CALCRL: variants seen among roughly 807,000 people sequenced by gnomAD.
CALCRL encodes the protein calcitonin receptor like receptor, also known as calcitonin gene-related peptide type 1 receptor.
In CALCRL, 27 loss-of-function variants were observed where a neutral mutation model predicts 60.4. The ratio of observed to expected loss-of-function variants is 0.45; its 90% CI spans 0.33 to 0.62. CALCRL has a LOEUF of 0.62. Ranked by LOEUF, CALCRL falls within the 20% of genes least tolerant of loss-of-function variation. The pLI is 0.03. For synonymous variants in CALCRL, 190 were observed against 182.6 expected, an observed-to-expected ratio of 1.04 and a Z score of -0.33; for missense variants, 424 against 540.7, an observed-to-expected ratio of 0.78 and a Z score of 2.14.
rs551247734 is a variant in CALCRL, at chr2:187,367,881, A to G, written c.501-4379T>C. On this transcript the variant is annotated intron_variant, in intron 8 of 14. Coordinates refer to ENST00000392370, the MANE Select transcript of CALCRL (RefSeq NM_005795.6). ...TTTCAACATTTAAAATGCCATTTCA[A>G]CATGCAATTTTGGCCAGCAGAGTTA... Among the ~76,000 whole-genome samples, 43 of 152,196 alleles carry G rather than the reference A, an allele frequency of 2.8e-4. No homozygotes were observed. In the South Asian group the frequency reaches 8.1e-3, roughly 29 times the overall value.
chr2:187,434,951 G>C (rs1270261504), intron 1 of CALCRL, among the ~76,000 whole-genome samples: 1 of 152,142 alleles, frequency 6.6e-6, no homozygotes, highest in African/African-American at 2.4e-5. Flanking sequence ...AAGTCATAAA[G>C]TAAAACAAGG....
chr2:187,399,479 G>A (rs1256326247), intron 1 of CALCRL, among the ~76,000 whole-genome samples: 1 of 151,180 alleles, frequency 6.6e-6, no homozygotes, highest in Non-Finnish European at 1.5e-5. Flanking sequence ...AAGCAAAAGT[G>A]ACAAAAAACA....
At chr2:187,355,178 A>T (rs1465149136) in intron 12 of CALCRL, among the ~76,000 whole-genome samples, 1 of 152,126 alleles carries the variant, frequency 6.6e-6, no homozygotes, top group Non-Finnish European at 1.5e-5. Context: ...ATTACAGATG[A>T]GAAAACAAAG....
chr2:187,428,304 T>C (rs1225074954), intron 1 of CALCRL: 1 of 152,236 alleles, frequency 6.6e-6, no homozygotes, highest in South Asian at 2.1e-4. Context: ...CTGTGGAACA[T>C]GTAAGTTAAC....
chr2:187,372,559 G>A (rs1417238854), intron 8 of CALCRL, among the ~76,000 whole-genome samples: 1 of 152,058 alleles, frequency 6.6e-6, no homozygotes, highest in Non-Finnish European at 1.5e-5. Flanking sequence ...TTAAAGAATG[G>A]ATGAGTGGTA....
intron 1 of CALCRL, among the ~76,000 whole-genome samples, chr2:187,405,743 T>TA (rs1170367954): frequency 6.6e-6 from 1 of 152,042 alleles, no homozygotes; most frequent in African/African-American, 2.4e-5. Context: ...TGCAAGGAGA[T>TA]AAAATGCAGA....
chr2:187,439,645 T>C (rs1343021772), intron 1 of CALCRL, among the ~76,000 whole-genome samples: 1 of 152,150 alleles, frequency 6.6e-6, no homozygotes, highest in East Asian at 1.9e-4. Flanking sequence ...TGATTTTAAA[T>C]AATCATCGAT....
At chr2:187,386,845 AAAT>A (rs1409986852) in intron 3 of CALCRL, among the ~76,000 whole-genome samples, 4 of 152,254 alleles carry the variant, frequency 2.6e-5, no homozygotes, top group African/African-American at 7.2e-5. Flanking sequence ...TCCTGAGAGT[AAAT>A]AAGGCTCACA....
At chr2:187,349,652 A>G (rs1318520482) in intron 14 of CALCRL, among the ~76,000 whole-genome samples, 2 of 151,626 alleles carry the variant, frequency 1.3e-5, no homozygotes, top group East Asian at 1.9e-4. Flanking sequence ...TTTGGGAACA[A>G]CCTAGCTCAA....
intron 1 of CALCRL, among the ~76,000 whole-genome samples, chr2:187,424,130 C>G (rs1287868229): frequency 1.3e-5 from 2 of 151,952 alleles, no homozygotes; most frequent in African/African-American, 4.8e-5. Context: ...TCATATAAAA[C>G]AGCCTAAAAA....
intron 12 of CALCRL, among the ~76,000 whole-genome samples, chr2:187,353,903 C>G (rs1400398853): frequency 1.3e-5 from 2 of 151,904 alleles, no homozygotes; most frequent in African/African-American, 2.4e-5. Flanking sequence ...TGCTTCTCCA[C>G]ATGGGAAGTC....
At chr2:187,380,826 T>C in intron 5 of CALCRL, 39 bp from the exon 6 acceptor site, 3 of 1,483,588 alleles carry the variant, frequency 2.0e-6, no homozygotes, top group Non-Finnish European at 2.8e-6. Flanking sequence ...ATTAAATCCT[T>C]CTACTTATAC....
intron 8 of CALCRL, among the ~76,000 whole-genome samples, chr2:187,372,341 T>C (rs1012806048): frequency 6.6e-6 from 1 of 151,502 alleles, no homozygotes; most frequent in Non-Finnish European, 1.5e-5. Flanking sequence ...ATCTAAAGGG[T>C]TCCACTTTGT....
intron 1 of CALCRL, among the ~76,000 whole-genome samples, chr2:187,401,687 T>C (rs1574279141): frequency 6.6e-6 from 1 of 151,658 alleles, no homozygotes; most frequent in African/African-American, 2.4e-5. Context: ...TAATTTCTTA[T>C]AGGAGTGGAG....
rs1686949046 is a variant in CALCRL at position 187,359,390 on chromosome 2, T to C, written c.782-118A>G. 5 of 647,374 alleles carry C rather than the reference T, an allele frequency of 7.7e-6. No homozygotes were observed. The Admixed American group carries it at 1.2e-4, about 16-fold the overall frequency. 40.1% of individuals were successfully genotyped at this position (647,374 alleles called of 1,614,324 possible). On this transcript the variant is annotated intron_variant, in intron 10 of 14. Transcript: ENST00000392370. Reference sequence around the variant, plus strand: ...CTCTAGGAGCAAAAAAACTAGCCACTATATATTTGTTGAATAAACATTATT... The same window carrying C: ...CTCTAGGAGCAAAAAAACTAGCCACCATATATTTGTTGAATAAACATTATT...
At position 187,344,607 on chromosome 2, in the gene CALCRL, GTC is replaced by G. The variant is rs1686205736; in HGVS notation, c.*1575_*1576del. The G allele has an allele frequency of 6.6e-6, 1 of 151,484 alleles. No homozygotes were observed. The highest frequency in any genetic ancestry group is 1.9e-4 in the East Asian group (1 of 5,190). 9.4% of individuals were successfully genotyped at this position (151,484 alleles called of 1,614,324 possible). A position where few individuals can be genotyped will look rare whatever the true frequency, so the allele number is the denominator to read the frequency against. On this transcript the variant is annotated 3_prime_UTR_variant, in exon 15 of 15. Transcript: ENST00000392370. The stretch of plus-strand genomic sequence containing the variant: ...TTTTCTTCTATCTTTATTTAATAAA[GTC>G]TGACAATAATTCAGTAAGATCTGAC...
chr2:187,369,106 A>C (rs1430999993), intron 8 of CALCRL, among the ~76,000 whole-genome samples: 1 of 152,164 alleles, frequency 6.6e-6, no homozygotes, highest in African/African-American at 2.4e-5. Context: ...CTCTTCCTCC[A>C]TTATGCTCCC....
At chr2:187,375,450 CAT>C (rs1410916796) in intron 8 of CALCRL, among the ~76,000 whole-genome samples, 1 of 151,942 alleles carries the variant, frequency 6.6e-6, no homozygotes, top group African/African-American at 2.4e-5. Flanking sequence ...ATTTGAAAAA[CAT>C]ATTTTTTCTT....
intron 12 of CALCRL, among the ~76,000 whole-genome samples, chr2:187,355,063 G>T (rs1184804806): frequency 6.6e-6 from 1 of 151,992 alleles, no homozygotes; most frequent in Non-Finnish European, 1.5e-5. Flanking sequence ...ATTTTTTCAA[G>T]AATTTATAAT....
Sources: gnomAD v4.1 joint callset for allele counts (sites outside exome capture counted in the v4.1 genomes callset) on GRCh38, gnomAD v4.1.1 for gene constraint, MANE v1.5 for transcripts, NCBI Gene and HGNC (gene_info 2026-07-23, HGNC 2026-07-21) for gene names.